Variants in GTF3C5 observed in about 807,000 individuals in gnomAD.
The protein encoded by GTF3C5 is general transcription factor IIIC subunit 5.
Under a neutral mutation model 61.0 loss-of-function variants are expected in GTF3C5, and 47 were observed. That is an observed-to-expected ratio of 0.77 (90% CI 0.61 to 0.98). The LOEUF is 0.98. Among genes scored for constraint, GTF3C5 ranks in the 50% least tolerant of loss-of-function variants. The pLI, the probability that GTF3C5 is intolerant of heterozygous loss-of-function variation, is 0.00. For missense variants in GTF3C5, 659 were observed against 703.3 expected, an observed-to-expected ratio of 0.94 and a Z score of 0.71; for synonymous variants, 295 against 275.4, an observed-to-expected ratio of 1.07 and a Z score of -0.71.
intron 3 of GTF3C5, among the ~76,000 whole-genome samples, chr9:133,047,791 G>C (rs1380832369): frequency 2.0e-5 from 3 of 152,208 alleles, no homozygotes; most frequent in Non-Finnish European, 4.4e-5. Flanking sequence ...CAAAGTGCTG[G>C]GATTACAGGC....
chr9:133,036,714 A>C (rs1200725963), intron 1 of GTF3C5, among the ~76,000 whole-genome samples: 1 of 152,128 alleles, frequency 6.6e-6, no homozygotes. Context: ...TTAGGTATAA[A>C]GATTTTGTTT....
chr9:133,054,376 C>T (rs186230541), intron 6 of GTF3C5, 32 bp from the exon 7 acceptor site: 8 of 1,591,636 alleles, frequency 5.0e-6, no homozygotes, highest in South Asian at 4.4e-5. Flanking sequence ...GCCCTGTGCC[C>T]GCCCACCTGA....
intron 1 of GTF3C5, among the ~76,000 whole-genome samples, chr9:133,037,308 C>A (rs922161517): frequency 5.9e-5 from 9 of 152,166 alleles, no homozygotes; most frequent in African/African-American, 2.2e-4. Flanking sequence ...TCTGGAATAT[C>A]TGGCTGATGG....
Position 133,050,939 on chromosome 9 carries a change from T to C in GTF3C5, c.729T>C (p.Thr243=). Residue 243 remains threonine, a synonymous_variant, in exon 4 of 11, where the codon ACT becomes ACC. Transcript: ENST00000372097. Reference sequence around the variant, plus strand: ...CCCAGACGTGGAGGAGAGTCTGCACTAACCCCGTGGACCGGAAGGTGGAGG... The same window carrying C: ...CCCAGACGTGGAGGAGAGTCTGCACCAACCCCGTGGACCGGAAGGTGGAGG... ...AAAQTWRRVC[T]NPVDRKVEEE... The C allele has an allele frequency of 1.2e-6, 2 of 1,612,754 alleles. No individual in the cohort carries two copies. The highest frequency in any genetic ancestry group is 1.7e-6 in the Non-Finnish European group (2 of 1,179,498).
intron 3 of GTF3C5, among the ~76,000 whole-genome samples, chr9:133,047,694 G>A (rs1000282782): frequency 6.6e-6 from 1 of 152,044 alleles, no homozygotes; most frequent in Non-Finnish European, 1.5e-5. Context: ...GCTAACTTTT[G>A]TATTTTTAGT....
rs549019606 is a variant in GTF3C5 at position 133,036,648 on chromosome 9, C to G, written c.154-5439C>G. Among the ~76,000 whole-genome samples, 37 of 152,200 alleles carry G rather than the reference C, an allele frequency of 2.4e-4. No individual in the cohort carries two copies. In the South Asian group the frequency reaches 7.7e-3, roughly 32 times the overall value. ...TGAGCATATGTTTTAGTTCTTCAAC[C>G]TGGTGGATTTCTTCAGAGGTCCACA... On this transcript the variant is annotated intron_variant, in intron 1 of 10. Coordinates refer to ENST00000372097, the MANE Select transcript of GTF3C5 (RefSeq NM_012087.4).
intron 3 of GTF3C5, among the ~76,000 whole-genome samples, chr9:133,045,185 A>G (rs1317260991): frequency 1.3e-5 from 2 of 152,260 alleles, no homozygotes; most frequent in Admixed American, 6.5e-5. Context: ...AACATTGACC[A>G]GCCACACTGC....
chr9:133,056,890 A>G lies in GTF3C5; in HGVS notation c.1375A>G (p.Ile459Val). 1 of 1,604,806 alleles carries G rather than the reference A, an allele frequency of 6.2e-7. No individual in the cohort carries two copies. The highest frequency in any genetic ancestry group is 8.5e-7 in the Non-Finnish European group (1 of 1,175,816). The change falls in exon 10 of 11, where the codon ATC (isoleucine) becomes GTC (valine). Residue 459 changes from isoleucine to valine, a missense_variant. By Grantham distance (29) the Ile-to-Val change is conservative. Coordinates refer to ENST00000372097, the MANE Select transcript of GTF3C5 (RefSeq NM_012087.4). ...DTMSLMIRQT[I>V]RSKRPALFSS... ...CATGTCCCTCATGATCCGGCAGACC[A>G]TCCGCTCCAAGAGGCCTGGTAAGAG... is the stretch of plus-strand genomic sequence containing the variant.
intron 1 of GTF3C5, among the ~76,000 whole-genome samples, chr9:133,035,812 C>T (rs969973046): frequency 3.3e-5 from 5 of 152,176 alleles, no homozygotes; most frequent in African/African-American, 1.2e-4. Flanking sequence ...GCTATTTCTT[C>T]TGGCAGCTGG....
At chr9:133,044,285 T>C in intron 3 of GTF3C5, 1 of 233,588 alleles carries the variant, frequency 4.3e-6, no homozygotes, top group Non-Finnish European at 8.4e-6. Context: ...AGCGGTGGCC[T>C]GTGTGATCGC....
intron 1 of GTF3C5, among the ~76,000 whole-genome samples, chr9:133,039,979 TC>T (rs1227113280): frequency 1.3e-5 from 2 of 152,230 alleles, no homozygotes; most frequent in African/African-American, 4.8e-5. Context: ...AGCCCTGAAT[TC>T]ATTAAGCACG....
intron 8 of GTF3C5, chr9:133,055,651 T>G: frequency 1.0e-6 from 1 of 985,326 alleles, no homozygotes; most frequent in Non-Finnish European, 1.2e-6. Flanking sequence ...GGTGACAAAT[T>G]AGCAGCAGTG....
In GTF3C5 at chr9:133,043,734, C is replaced by G. The variant is rs1300087471; in HGVS notation, c.380C>G (p.Ser127Cys). 2.5e-6 allele frequency: 4 copies of G among 1,613,898 alleles called. No homozygotes were observed. In the African/African-American group the frequency reaches 5.3e-5, roughly 22 times the overall value. The change falls in exon 3 of 11, where the codon TCT (serine) becomes TGT (cysteine). Residue 127 changes from serine to cysteine, a missense_variant. By Grantham distance (112) the Ser-to-Cys change is moderately radical. Transcript: ENST00000372097. ...TGCCCACCTCTCTTTCTAGGGATGT[C>G]TGACTTCCAGTACTTGGCTGTGCAT... ...ISTIYKFQGM[S>C]DFQYLAVHTE...
At chr9:133,054,928 C>G in intron 8 of GTF3C5, 119 bp downstream of exon 8, 1 of 1,548,922 alleles carries the variant, frequency 6.5e-7, no homozygotes, top group Admixed American at 2.0e-5. Flanking sequence ...GGCCTCGGCA[C>G]CTTGCTTCCT....
chr9:133,058,293 G>A lies in GTF3C5; in HGVS notation c.*313G>A, dbSNP rs73556381. ...TCTCAGGATGAGACCAGTAAATGCC[G>A]GAGGTGGAGCTGGGCAGCTGTGGAG... On this transcript the variant is annotated 3_prime_UTR_variant, in exon 11 of 11. Transcript: ENST00000372097. 5.1e-3 allele frequency: 2,208 copies of A among 432,534 alleles called. 10 individuals carry two copies. The highest frequency in any genetic ancestry group is 9.4e-3 in the African/African-American group (444 of 47,304). The allele number at this position is 432,534 out of a possible 1,614,324, so 26.8% of individuals were successfully genotyped here.
At chr9:133,053,041 T>C (rs1277363202) in intron 5 of GTF3C5, among the ~76,000 whole-genome samples, 1 of 152,132 alleles carries the variant, frequency 6.6e-6, no homozygotes, top group Non-Finnish European at 1.5e-5. Flanking sequence ...GGTTTCGCCA[T>C]GTTGGTCAGG....
At chr9:133,042,030 C>T in intron 1 of GTF3C5, 57 bp from the exon 2 acceptor site, 2 of 1,195,454 alleles carry the variant, frequency 1.7e-6, no homozygotes. Flanking sequence ...GGAGCAGCTC[C>T]CCACTGGCTG....
At position 133,031,050 on chromosome 9, in the gene GTF3C5, C is replaced by G; in HGVS notation, c.39C>G (p.Ala13=). 1 of 1,612,110 alleles carries G rather than the reference C, an allele frequency of 6.2e-7. No individual in the cohort carries two copies. Among genetic ancestry groups the G allele is most frequent in the Non-Finnish European group, 8.5e-7 (1 of 1,179,138 alleles). ...CGGCCGATTTGGGGCTGGGGGCCGC[C>G]GTCCCCGTGGAGCTGAGGCGGGAGC... ...AEAADLGLGA[A]VPVELRRERR... The change falls in exon 1 of 11, where the codon GCC becomes GCG. Residue 13 remains alanine, a synonymous_variant. Transcript: ENST00000372097.
intron 1 of GTF3C5, among the ~76,000 whole-genome samples, chr9:133,041,446 G>A (rs1411326833): frequency 6.6e-6 from 1 of 151,864 alleles, no homozygotes; most frequent in Admixed American, 6.6e-5. Context: ...AGAAGTAATG[G>A]CATAAGCTGT....
Sources: gnomAD v4.1 joint callset for allele counts (sites outside exome capture counted in the v4.1 genomes callset) on GRCh38, gnomAD v4.1.1 for gene constraint, MANE v1.5 for transcripts, NCBI Gene and HGNC (gene_info 2026-07-23, HGNC 2026-07-21) for gene names.